The following C1orf54 variants were observed in gnomAD, a reference collection of about 807,000 sequenced individuals.
C1orf54 encodes the protein chromosome 1 open reading frame 54, also known as uncharacterized protein C1orf54.
C1orf54 carries 12 observed loss-of-function variants against 14.7 expected under a neutral mutation model. That is an observed-to-expected ratio of 0.82 (90% CI 0.52 to 1.32). The LOEUF (loss-of-function observed/expected upper bound fraction) is 1.32, where lower values mean the gene tolerates loss of function less well. C1orf54 is among the 40% of genes most tolerant of loss of function. The pLI, the probability that C1orf54 is intolerant of heterozygous loss-of-function variation, is 0.00. For synonymous variants in C1orf54, 65 were observed against 56.3 expected (o/e 1.16, Z -0.70); for missense variants, 163 against 162.2 (o/e 1.00, Z -0.03).
intron 2 of C1orf54, among the ~76,000 whole-genome samples, 155 bp downstream of exon 2, chr1:150,274,325 G>A (rs1463767312): frequency 6.6e-6 from 1 of 152,184 alleles, no homozygotes; most frequent in Non-Finnish European, 1.5e-5. Context: ...ATGGGGCCGG[G>A]CGTGGTGGCT....
chr1:150,277,550 G>T (rs993532426), intron 4 of C1orf54, among the ~76,000 whole-genome samples: 1 of 150,382 alleles, frequency 6.6e-6, no homozygotes, highest in Admixed American at 6.6e-5. Flanking sequence ...TGCACAGGAG[G>T]GGGGAATAGA....
intron 1 of C1orf54, among the ~76,000 whole-genome samples, chr1:150,273,324 G>T (rs1184178394): frequency 2.6e-5 from 4 of 152,256 alleles, no homozygotes; most frequent in South Asian, 2.1e-4. Context: ...TTCAGGGACA[G>T]GGTCCCAAGA....
Position 150,279,709 on chromosome 1 carries a change from T to G in C1orf54, c.367T>G (p.Phe123Val). Reference sequence around the variant, plus strand: ...TATTCCCCTCCTCCTGTCGTGTGCCTTTGTTCAGGTGGGGATGTATTTCAT... The same window carrying G: ...TATTCCCCTCCTCCTGTCGTGTGCCGTTGTTCAGGTGGGGATGTATTTCAT... ...SPIPLLLSCA[F>V]VQVGMYFM Residue 123 changes from phenylalanine to valine, a missense_variant, in exon 5 of 6, where the codon TTT becomes GTT. Phe to Val is a conservative substitution (Grantham distance 50). Transcript: ENST00000369099. 1 of 1,612,962 alleles carries G rather than the reference T, an allele frequency of 6.2e-7. No homozygotes were observed. The highest frequency in any genetic ancestry group is 1.1e-5 in the South Asian group (1 of 90,806).
At chr1:150,276,496 T>C (rs1419895785) in intron 3 of C1orf54, 26 bp from the exon 4 acceptor site, 1 of 1,571,576 alleles carries the variant, frequency 6.4e-7, no homozygotes, top group Admixed American at 1.7e-5. Context: ...GATAACTCTG[T>C]GTTTCCCAAA....
At chr1:150,274,739 C>A (rs1196471485) in intron 2 of C1orf54, among the ~76,000 whole-genome samples, 19 of 151,878 alleles carry the variant, frequency 1.3e-4, no homozygotes, top group Non-Finnish European at 2.4e-4. Context: ...ATGGTGAAAC[C>A]CTGTCTCTAC....
chr1:150,278,981 T>G (rs1172798441), intron 4 of C1orf54, among the ~76,000 whole-genome samples: 1 of 152,192 alleles, frequency 6.6e-6, no homozygotes, highest in Non-Finnish European at 1.5e-5. Context: ...CTTTTTGAAG[T>G]ATACAGTAGG....
chr1:150,274,883 A>C (rs1365901922), intron 2 of C1orf54, among the ~76,000 whole-genome samples: 2 of 143,730 alleles, frequency 1.4e-5, no homozygotes, highest in South Asian at 4.7e-4. Flanking sequence ...ACTGCACTCC[A>C]GCCTGGGCGA....
At position 150,275,744 on chromosome 1, in the gene C1orf54, A is replaced by T. The variant is rs587731712; in HGVS notation, c.134A>T (p.Asp45Val). The T allele has an allele frequency of 7.5e-6, 12 of 1,610,252 alleles. No homozygotes were observed. The African/African-American group carries it at 1.2e-4, about 16-fold the overall frequency. The change falls in exon 3 of 6, where the codon GAC becomes GTC. Residue 45 changes from aspartate to valine, a missense_variant. Coordinates refer to ENST00000369099, the MANE Select transcript of C1orf54 (RefSeq NM_024579.4). ...TGATTTTCTTTCTCCTCTGCAGATG[A>T]CTTTAGTGCAGATTTCACCATTGAT... is the stretch of plus-strand genomic sequence containing the variant. ...YYYTVTPSYD[D>V]FSADFTIDYS...
rs1560041607 is a variant in C1orf54, at chr1:150,274,083, A to G, written c.47-4A>G. ...CCCTTGACCTCTAGTCCTTGTCCCC[A>G]TAGGACAAGAATATGAGGATGAAGA... On this transcript the variant is annotated splice_region_variant and splice_polypyrimidine_tract_variant and intron_variant, in intron 1 of 5. Transcript: ENST00000369099. 6.2e-7 allele frequency: 1 copy of G among 1,602,614 alleles called. No homozygotes were observed.
rs372143394 is a variant in C1orf54, at chr1:150,276,421, G to T, written c.190-101G>T. The T allele has an allele frequency of 9.0e-6, 8 of 888,520 alleles. No homozygotes were observed. The Admixed American group carries it at 1.5e-4, about 17-fold the overall frequency. The allele number at this position is 888,520 out of a possible 1,614,324, so 55.0% of individuals were successfully genotyped here. On this transcript the variant is annotated intron_variant, in intron 3 of 5. Transcript: ENST00000369099. ...ATCCCTGAGCTTAAGTCTTTGGGCT[G>T]GGTGGAGGTGGTGAAGGGGAGAACT...
intron 5 of C1orf54, 95 bp downstream of exon 5, chr1:150,279,836 T>C (rs16835699): frequency 0.018 from 19,445 of 1,066,170 alleles, 1,366 homozygotes; most frequent in Admixed American, 0.14. Flanking sequence ...GTATCTCTAG[T>C]TAGTGTTTCC....
At chr1:150,278,452 G>A (rs904293733) in intron 4 of C1orf54, among the ~76,000 whole-genome samples, 3 of 152,184 alleles carry the variant, frequency 2.0e-5, no homozygotes, top group African/African-American at 7.2e-5. Flanking sequence ...TGTCCTAAAG[G>A]TCACTGAACT....
intron 1 of C1orf54, among the ~76,000 whole-genome samples, chr1:150,273,769 C>T (rs966384807): frequency 6.6e-6 from 1 of 152,150 alleles, no homozygotes; most frequent in Admixed American, 6.6e-5. Flanking sequence ...AATTCCTGGT[C>T]TCTACTTTTC....
At position 150,280,079 on chromosome 1, in the gene C1orf54, T is replaced by C. The variant is rs782072237; in HGVS notation, c.*3+338T>C. On this transcript the variant is annotated intron_variant, in intron 5 of 5. Coordinates refer to ENST00000369099, the MANE Select transcript of C1orf54 (RefSeq NM_024579.4). ...TAAAAAAATTAAAAATAAAAATTAG[T>C]TGGGTGTGGTAGCACAGGCCTGCAG... 2.2e-4 allele frequency among the ~76,000 whole-genome samples: 33 copies of C among 152,022 alleles called. 1 individual carries two copies. The East Asian group carries it at 2.5e-3, about 12-fold the overall frequency.
chr1:150,275,805 T>A lies in C1orf54; in HGVS notation c.189+6T>A. ...TTGAGTCAGAGGACAGGCTGGTGAG[T>A]GAACTCTACATCTAAAAGGGTTAGG... On this transcript the variant is annotated splice_donor_region_variant and intron_variant, in intron 3 of 5. Transcript: ENST00000369099. 5 of 1,606,234 alleles carry A rather than the reference T, an allele frequency of 3.1e-6. No individual in the cohort carries two copies. The highest frequency in any genetic ancestry group is 4.3e-6 in the Non-Finnish European group (5 of 1,173,150).
In C1orf54 at chr1:150,279,701, C is replaced by A. The variant is rs782516643; in HGVS notation, c.359C>A (p.Ser120Ter). Reference sequence around the variant, plus strand: ...CGAAGTCCTATTCCCCTCCTCCTGTCGTGTGCCTTTGTTCAGGTGGGGATG... The same window carrying A: ...CGAAGTCCTATTCCCCTCCTCCTGTAGTGTGCCTTTGTTCAGGTGGGGATG... ...SLRSPIPLLLSCAFVQVGMYF... is the reference protein window; with the variant it reads ...SLRSPIPLLL Residue 120 changes from serine (S) to a stop codon, truncating the protein, a stop_gained, in exon 5 of 6, where the codon TCG (serine) becomes TAG (stop). Transcript: ENST00000369099. LOFTEE classifies it high-confidence loss of function. The A allele has an allele frequency of 1.2e-6, 2 of 1,613,156 alleles. No homozygotes were observed. The highest frequency in any genetic ancestry group is 1.7e-6 in the Non-Finnish European group (2 of 1,179,612).
chr1:150,272,696 G>A (rs978792483), upstream of C1orf54: 65 of 983,552 alleles, frequency 6.6e-5, no homozygotes, highest in Middle Eastern at 4.9e-4. Context: ...TCTGCCCCCT[G>A]GGAGGAGAAG....
At chr1:150,268,921 G>C, upstream of C1orf54, 1 of 900,504 alleles carries the variant, frequency 1.1e-6, no homozygotes, top group South Asian at 1.5e-5. Flanking sequence ...CGAGGGGCGC[G>C]GTGCAATGTC....
At chr1:150,272,329 G>A (rs1652264448), upstream of C1orf54, 1 of 160,162 alleles carries the variant, frequency 6.2e-6, no homozygotes, top group African/African-American at 2.4e-5. Flanking sequence ...CTAGAAAAAT[G>A]CTCACCCCTT....
Sources: gnomAD v4.1 joint callset for allele counts (sites outside exome capture counted in the v4.1 genomes callset) on GRCh38, gnomAD v4.1.1 for gene constraint, MANE v1.5 for transcripts, NCBI Gene and HGNC (gene_info 2026-07-23, HGNC 2026-07-21) for gene names.